The following DSC3 variants were observed in gnomAD, a reference collection of about 807,000 sequenced individuals.
DSC3 encodes the protein desmocollin-3.
In DSC3, 97 loss-of-function variants were observed where a neutral mutation model predicts 89.5. That is an observed-to-expected ratio of 1.08 (90% CI 0.92 to 1.28). The LOEUF (loss-of-function observed/expected upper bound fraction) is 1.28, where lower values mean the gene tolerates loss of function less well. DSC3 is among the 50% of genes most tolerant of loss of function. The pLI is 0.00. For missense variants in DSC3, 1,199 were observed against 1,085.3 expected, an observed-to-expected ratio of 1.10 and a Z score of -1.47; for synonymous variants, 436 against 384.1, an observed-to-expected ratio of 1.14 and a Z score of -1.58.
Position 31,004,441 on chromosome 18 carries a change from T to C in DSC3, c.1889-75A>G, listed in dbSNP as rs1250149600. 3.7e-6 allele frequency: 5 copies of C among 1,368,226 alleles called. No individual in the cohort carries two copies. In the East Asian group the frequency reaches 9.8e-5, roughly 27 times the overall value. The allele number at this position is 1,368,226 out of a possible 1,614,324, so 84.8% of individuals were successfully genotyped here. A position where few individuals can be genotyped will look rare whatever the true frequency, so the allele number is the denominator to read the frequency against. On this transcript the variant is annotated intron_variant, in intron 12 of 15. Transcript: ENST00000360428. Reference sequence around the variant, plus strand: ...CTTAGCATTTGTTTCATCACGCTTGTTTTTGAAGGCGTCATTCTCAAGGAA... The same window carrying C: ...CTTAGCATTTGTTTCATCACGCTTGCTTTTGAAGGCGTCATTCTCAAGGAA...
At chr18:31,028,162 G>A (rs1455116038) in intron 4 of DSC3, among the ~76,000 whole-genome samples, 1 of 152,100 alleles carries the variant, frequency 6.6e-6, no homozygotes, top group Non-Finnish European at 1.5e-5. Context: ...GAAACAAGAG[G>A]TAAGATTCAT....
At chr18:31,009,516 C>T (rs1384552625) in intron 9 of DSC3, among the ~76,000 whole-genome samples, 1 of 152,148 alleles carries the variant, frequency 6.6e-6, no homozygotes, top group Non-Finnish European at 1.5e-5. Context: ...CATCCATGCC[C>T]ACTACCTGTT....
At chr18:31,038,403 A>G (rs552483713) in intron 1 of DSC3, among the ~76,000 whole-genome samples, 139 of 152,300 alleles carry the variant, frequency 9.1e-4, no homozygotes, top group African/African-American at 3.1e-3. Flanking sequence ...TAGATTTTGT[A>G]TACCTCCTCA....
At chr18:30,999,603 T>C (rs1252180737) in intron 14 of DSC3, among the ~76,000 whole-genome samples, 3 of 152,204 alleles carry the variant, frequency 2.0e-5, no homozygotes, top group Non-Finnish European at 4.4e-5. Flanking sequence ...CTTTCATACT[T>C]TTATTCTCTG....
At chr18:31,042,461 A>G in intron 1 of DSC3, 131 bp downstream of exon 1, 2 of 929,768 alleles carry the variant, frequency 2.2e-6, no homozygotes, top group Non-Finnish European at 3.4e-6. Flanking sequence ...TGGGGCTGCT[A>G]CCAGACCCGC....
intron 1 of DSC3, 112 bp from the exon 2 acceptor site, chr18:31,032,388 T>C (rs1256730379): frequency 6.2e-6 from 5 of 809,708 alleles, no homozygotes. Context: ...CCATTTACAA[T>C]AAACCCCAGC....
rs988375882 is a variant in DSC3 at position 31,006,813 on chromosome 18, T to G, written c.1888+94A>C. 17 of 1,018,888 alleles carry G rather than the reference T, an allele frequency of 1.7e-5. No individual in the cohort carries two copies. In the Admixed American group the frequency reaches 2.4e-4, roughly 15 times the overall value. The allele number at this position is 1,018,888 out of a possible 1,614,324, so 63.1% of individuals were successfully genotyped here. A position where few individuals can be genotyped will look rare whatever the true frequency, so the allele number is the denominator to read the frequency against. ...CTAAAATATATTAATGAGACTCAGTTTTACTTCATGCTTTGTGTAAGTAAG... is the reference window on the plus strand; with the variant it reads ...CTAAAATATATTAATGAGACTCAGTGTTACTTCATGCTTTGTGTAAGTAAG... On this transcript the variant is annotated intron_variant, in intron 12 of 15. Coordinates refer to ENST00000360428, the MANE Select transcript of DSC3 (RefSeq NM_001941.5).
intron 9 of DSC3, among the ~76,000 whole-genome samples, chr18:31,014,325 A>G (rs991024018): frequency 1.3e-5 from 2 of 152,136 alleles, no homozygotes; most frequent in Non-Finnish European, 2.9e-5. Context: ...TGATAAGATT[A>G]CTTAAACATG....
intron 8 of DSC3, 80 bp downstream of exon 8, chr18:31,018,586 A>G (rs1295988349): frequency 2.8e-6 from 4 of 1,419,426 alleles, no homozygotes; most frequent in Admixed American, 3.4e-5. Flanking sequence ...TACTTCATGA[A>G]GTATTAATTT....
intron 13 of DSC3, among the ~76,000 whole-genome samples, chr18:31,002,327 A>G (rs536771039): frequency 3.3e-5 from 5 of 152,342 alleles, no homozygotes; most frequent in South Asian, 2.1e-4. Context: ...CCAGAGCACT[A>G]CATATTTTTG....
chr18:31,030,641 TAAGA>T lies in DSC3; in HGVS notation c.354+328_354+331del, dbSNP rs59485099. On this transcript the variant is annotated intron_variant, in intron 3 of 15. Coordinates refer to ENST00000360428, the MANE Select transcript of DSC3 (RefSeq NM_001941.5). ...ACCAAAACCAGAGTTCAACAAGTGTTAAGAAAGAGAGAGAGGGAGAGACAAAAAT... is the reference window on the plus strand; with the variant it reads ...ACCAAAACCAGAGTTCAACAAGTGTTAAGAGAGAGAGGGAGAGACAAAAAT... Among the ~76,000 whole-genome samples, 1,205 of 150,806 alleles carry T rather than the reference TAAGA, an allele frequency of 8.0e-3. 20 individuals carry two copies. The highest frequency in any genetic ancestry group is 0.028 in the African/African-American group (1,162 of 40,998).
chr18:31,016,370 C>G (rs949178442), intron 9 of DSC3, among the ~76,000 whole-genome samples: 16 of 152,200 alleles, frequency 1.1e-4, no homozygotes, highest in African/African-American at 3.9e-4. Context: ...CAGGAACCCT[C>G]TGGGCTGAGC....
At chr18:31,030,424 T>C (rs1207502792) in intron 3 of DSC3, among the ~76,000 whole-genome samples, 1 of 152,226 alleles carries the variant, frequency 6.6e-6, no homozygotes, top group African/African-American at 2.4e-5. Context: ...TAATCCAGTC[T>C]AAACCTTTCA....
chr18:30,998,864 T>C (rs1475655282), intron 14 of DSC3, among the ~76,000 whole-genome samples: 1 of 152,168 alleles, frequency 6.6e-6, no homozygotes, highest in East Asian at 1.9e-4. Context: ...AGTGAAAGAA[T>C]AGCCATTGAT....
At chr18:31,018,593 A>C (rs1567956446) in intron 8 of DSC3, 73 bp downstream of exon 8, 2 of 1,480,870 alleles carry the variant, frequency 1.4e-6, no homozygotes, top group Non-Finnish European at 1.9e-6. Context: ...TGAAGTATTA[A>C]TTTTATTAAT....
Position 30,996,854 on chromosome 18 carries a change from C to A in DSC3, c.2430G>T (p.Glu810Asp). Reference sequence around the variant, plus strand: ...AGTAAGTGTATCTGCAGTTGTCCACCTCCGTGTGTCCTCCCCTGCAGGAGT... The same window carrying A: ...AGTAAGTGTATCTGCAGTTGTCCACATCCGTGTGTCCTCCCCTGCAGGAGT... ...TLDSCRGGHT[E>D]VDNCRYTYSE... is the part of the protein sequence containing the mutation. Residue 810 changes from glutamate to aspartate, a missense_variant, in exon 15 of 16, where the codon GAG becomes GAT. Coordinates refer to ENST00000360428, the MANE Select transcript of DSC3 (RefSeq NM_001941.5). The A allele has an allele frequency of 6.2e-7, 1 of 1,613,810 alleles. No individual in the cohort carries two copies. The highest frequency in any genetic ancestry group is 1.3e-5 in the African/African-American group (1 of 74,892).
At chr18:31,011,555 A>G (rs1156995520) in intron 9 of DSC3, among the ~76,000 whole-genome samples, 1 of 152,212 alleles carries the variant, frequency 6.6e-6, no homozygotes, top group Non-Finnish European at 1.5e-5. Flanking sequence ...AGAGTTAACA[A>G]CATAGTGATG....
At chr18:31,024,632 T>G in intron 5 of DSC3, 139 bp from the exon 6 acceptor site, 1 of 898,706 alleles carries the variant, frequency 1.1e-6, no homozygotes, top group Non-Finnish European at 1.7e-6. Flanking sequence ...TGTTTTTAAT[T>G]ATCAAAGCAC....
In DSC3 at chr18:30,992,279, A is replaced by G. The variant is rs1312323640; in HGVS notation, c.*1896T>C. Reference sequence around the variant, plus strand: ...GAATAAATCAGAATTTTAGATAGGCATTTAATTCATAGACCTTCTTAGTGC... The same window carrying G: ...GAATAAATCAGAATTTTAGATAGGCGTTTAATTCATAGACCTTCTTAGTGC... On this transcript the variant is annotated 3_prime_UTR_variant, in exon 16 of 16. Transcript: ENST00000360428. 2 of 152,096 alleles carry G rather than the reference A, an allele frequency of 1.3e-5. No individual in the cohort carries two copies. Among genetic ancestry groups the G allele is most frequent in the Non-Finnish European group, 2.9e-5 (2 of 68,034 alleles). 9.4% of individuals were successfully genotyped at this position (152,096 alleles called of 1,614,324 possible). A position where few individuals can be genotyped will look rare whatever the true frequency, so the allele number is the denominator to read the frequency against.
Sources: gnomAD v4.1 joint callset for allele counts (sites outside exome capture counted in the v4.1 genomes callset) on GRCh38, gnomAD v4.1.1 for gene constraint, MANE v1.5 for transcripts, NCBI Gene and HGNC (gene_info 2026-07-23, HGNC 2026-07-21) for gene names.